COL22A1: variants seen among roughly 807,000 people sequenced by gnomAD.
COL22A1 encodes the protein collagen type XXII alpha 1 chain.
Under a neutral mutation model 248.9 loss-of-function variants are expected in COL22A1, and 221 were observed. That is an observed-to-expected ratio of 0.89 (90% CI 0.80 to 0.99). COL22A1 has a LOEUF of 0.99. Among genes scored for constraint, COL22A1 ranks in the 50% least tolerant of loss-of-function variants. COL22A1 has a pLI of 0.00. For synonymous variants in COL22A1, 891 were observed against 793.4 expected (o/e 1.12, Z -2.07); for missense variants, 2,240 against 2,179.0 (o/e 1.03, Z -0.56).
intron 53 of COL22A1, 71 bp from the exon 54 acceptor site, chr8:138,617,029 C>T: frequency 1.3e-6 from 2 of 1,545,618 alleles, no homozygotes; most frequent in Non-Finnish European, 1.8e-6. Context: ...AGGCATACCT[C>T]CCTGCCGGCT....
At chr8:138,663,577 C>T in intron 42 of COL22A1, 128 bp downstream of exon 42, 6 of 755,144 alleles carry the variant, frequency 7.9e-6, no homozygotes, top group Non-Finnish European at 1.4e-5. Context: ...GGACAGTCTG[C>T]ACTGTTCAAT....
At chr8:138,781,026 ACAGGCT>A in intron 12 of COL22A1, 46 bp from the exon 13 acceptor site, 1 of 1,387,360 alleles carries the variant, frequency 7.2e-7, no homozygotes, top group Non-Finnish European at 1.0e-6. Context: ...AATAACTGAG[ACAGGCT>A]CTCAGAATGC....
intron 23 of COL22A1, among the ~76,000 whole-genome samples, chr8:138,726,045 A>G (rs1384110642): frequency 6.6e-6 from 1 of 152,154 alleles, no homozygotes; most frequent in Admixed American, 6.5e-5. Context: ...TATTTAAATC[A>G]TTCATGGTCT....
chr8:138,617,775 G>A (rs1219057621), intron 53 of COL22A1, among the ~76,000 whole-genome samples: 1 of 152,170 alleles, frequency 6.6e-6, no homozygotes, highest in Non-Finnish European at 1.5e-5. Flanking sequence ...CCATTTTGCA[G>A]CTGTGGGATC....
chr8:138,760,365 A>G, intron 17 of COL22A1, 78 bp from the exon 18 acceptor site: 1 of 1,351,754 alleles, frequency 7.4e-7, no homozygotes, highest in South Asian at 1.3e-5. Flanking sequence ...AAACAGGTTG[A>G]AAGACAGCTG....
chr8:138,897,822 A>G (rs1351988002), intron 1 of COL22A1, among the ~76,000 whole-genome samples: 1 of 151,640 alleles, frequency 6.6e-6, no homozygotes, highest in Non-Finnish European at 1.5e-5. Context: ...CGGCTGAACT[A>G]GAGATCATGT....
chr8:138,675,783 C>T (rs1825458982), intron 41 of COL22A1, among the ~76,000 whole-genome samples: 1 of 152,042 alleles, frequency 6.6e-6, no homozygotes, highest in African/African-American at 2.4e-5. Flanking sequence ...CTTTGTGGTA[C>T]AAAAGGGAGA....
chr8:138,599,272 C>T (rs1343260836), intron 60 of COL22A1, among the ~76,000 whole-genome samples: 2 of 151,544 alleles, frequency 1.3e-5, no homozygotes, highest in Admixed American at 6.6e-5. Flanking sequence ...GTCAGGAGAT[C>T]GAGACCATCC....
At chr8:138,743,153 ATGG>A (rs1481115618) in intron 22 of COL22A1, among the ~76,000 whole-genome samples, 2 of 144,634 alleles carry the variant, frequency 1.4e-5, no homozygotes, top group Non-Finnish European at 3.0e-5. Flanking sequence ...GTTGATGGTG[ATGG>A]TGGTAGTGAT....
Position 138,589,371 on chromosome 8 carries a change from C to G in COL22A1, c.4763G>C (p.Gly1588Ala). The G allele has an allele frequency of 6.2e-7, 1 of 1,608,900 alleles. No individual in the cohort carries two copies. Among genetic ancestry groups the G allele is most frequent in the South Asian group, 1.1e-5 (1 of 90,532 alleles). The change falls in exon 65 of 65, where the codon GGA becomes GCA. Residue 1588 changes from glycine to alanine, a missense_variant. Gly to Ala is a moderately conservative substitution (Grantham distance 60). Coordinates refer to ENST00000303045, the MANE Select transcript of COL22A1 (RefSeq NM_152888.3). Reference protein sequence around the residue: ...PGIPGPQGETGPAGHPGLPGP... With the variant: ...PGIPGPQGETAPAGHPGLPGP... ...TGGGAGGCCAGGATGTCCAGCTGGT[C>G]CTGTCTCCCCTTGAGGGCCAGGGAT...
chr8:138,867,497 G>C (rs1822988797), intron 3 of COL22A1, among the ~76,000 whole-genome samples: 1 of 152,170 alleles, frequency 6.6e-6, no homozygotes, highest in South Asian at 2.1e-4. Flanking sequence ...CTATCTGCCA[G>C]ATTGGGAACT....
chr8:138,606,467 CTG>C lies in COL22A1; in HGVS notation c.4033-17_4033-16del, dbSNP rs1470818867. ...CCTTTCTGGCCCTGCAAAGAGAAAACTGAGAATTAATTCCTCAAGGTCACGTA... is the reference window on the plus strand; with the variant it reads ...CCTTTCTGGCCCTGCAAAGAGAAAACAGAATTAATTCCTCAAGGTCACGTA... On this transcript the variant is annotated splice_polypyrimidine_tract_variant and intron_variant, in intron 57 of 64. Transcript: ENST00000303045. The C allele has an allele frequency of 6.2e-7, 1 of 1,612,352 alleles. No individual in the cohort carries two copies. The highest frequency in any genetic ancestry group is 8.5e-7 in the Non-Finnish European group (1 of 1,179,360).
At chr8:138,831,298 C>T (rs532691831) in intron 5 of COL22A1, among the ~76,000 whole-genome samples, 11 of 152,304 alleles carry the variant, frequency 7.2e-5, no homozygotes, top group South Asian at 4.1e-4. Flanking sequence ...TCACTCCTTA[C>T]GGGCTGTTGA....
intron 10 of COL22A1, among the ~76,000 whole-genome samples, chr8:138,805,586 GGTAT>G (rs1301146057): frequency 2.1e-5 from 3 of 142,366 alleles, no homozygotes; most frequent in African/African-American, 5.3e-5. Context: ...TATGTGTGAT[GGTAT>G]GTGTTTGTGA....
intron 1 of COL22A1, among the ~76,000 whole-genome samples, chr8:138,900,646 G>T (rs1275299758): frequency 6.6e-6 from 1 of 152,188 alleles, no homozygotes; most frequent in Non-Finnish European, 1.5e-5. Flanking sequence ...TGGGCTCCAA[G>T]TGACTTGAAT....
At chr8:138,601,628 C>G (rs1439365676) in intron 60 of COL22A1, among the ~76,000 whole-genome samples, 1 of 152,198 alleles carries the variant, frequency 6.6e-6, no homozygotes, top group Admixed American at 6.5e-5. Context: ...CTTTTCCCCT[C>G]TTGTTTTTTG....
intron 44 of COL22A1, among the ~76,000 whole-genome samples, chr8:138,658,195 G>A (rs1333232897): frequency 6.6e-6 from 1 of 152,178 alleles, no homozygotes; most frequent in Non-Finnish European, 1.5e-5. Context: ...ATGGAACTGT[G>A]TAATTAATAA....
intron 52 of COL22A1, among the ~76,000 whole-genome samples, chr8:138,622,905 G>A (rs1358616199): frequency 6.6e-6 from 1 of 151,896 alleles, no homozygotes; most frequent in Non-Finnish European, 1.5e-5. Context: ...AACCACTGAT[G>A]CCGTCCTCCA....
intron 16 of COL22A1, among the ~76,000 whole-genome samples, chr8:138,769,645 G>A (rs1342131383): frequency 5.3e-5 from 8 of 152,244 alleles, no homozygotes; most frequent in Admixed American, 1.3e-4. Flanking sequence ...CTGAGATCTC[G>A]AGCTGCCAAG....
Sources: allele counts gnomAD v4.1 joint callset (sites outside exome capture counted in the v4.1 genomes callset), GRCh38; gene constraint gnomAD v4.1.1; transcripts MANE v1.5; gene names NCBI Gene and HGNC (gene_info 2026-07-23, HGNC 2026-07-21).